The following LHFPL6 variants were observed in gnomAD, a reference collection of about 807,000 sequenced individuals.
LHFPL6 encodes the protein LHFPL tetraspan subfamily member 6, also known as LHFPL tetraspan subfamily member 6 protein.
In LHFPL6, 9 loss-of-function variants were observed where a neutral mutation model predicts 20.6. The ratio of observed to expected loss-of-function variants is 0.44; its 90% CI spans 0.26 to 0.76. The LOEUF (loss-of-function observed/expected upper bound fraction) is 0.76, where lower values mean the gene tolerates loss of function less well. Among genes scored for constraint, LHFPL6 ranks in the 30% least tolerant of loss-of-function variants. The probability of loss-of-function intolerance (pLI) is 0.20; values close to 1 mark genes in which losing one functional copy is unlikely to be tolerated. For synonymous variants in LHFPL6, 105 were observed against 98.7 expected (o/e 1.06, Z -0.38); for missense variants, 218 against 253.5 (o/e 0.86, Z 0.95).
At chr13:39,597,828 C>T (rs1872813620) in intron 2 of LHFPL6, among the ~76,000 whole-genome samples, 1 of 152,216 alleles carries the variant, frequency 6.6e-6, no homozygotes, top group Non-Finnish European at 1.5e-5. Flanking sequence ...CTCTAACCAA[C>T]CATAGCAAGA....
intron 3 of LHFPL6, among the ~76,000 whole-genome samples, chr13:39,361,476 C>A (rs1387364764): frequency 6.6e-6 from 1 of 152,046 alleles, no homozygotes; most frequent in Non-Finnish European, 1.5e-5. Flanking sequence ...TGCCATGACA[C>A]CCGGCTAATT....
At chr13:39,556,149 A>G (rs1161246680) in intron 2 of LHFPL6, among the ~76,000 whole-genome samples, 1 of 152,146 alleles carries the variant, frequency 6.6e-6, no homozygotes, top group Non-Finnish European at 1.5e-5. Flanking sequence ...TGAGTCAATA[A>G]AACGTCTTTA....
chr13:39,573,878 A>G (rs1034178607), intron 2 of LHFPL6, among the ~76,000 whole-genome samples: 6 of 152,204 alleles, frequency 3.9e-5, no homozygotes, highest in Admixed American at 3.9e-4. Context: ...TATTTTTGAA[A>G]TATTTTTCCT....
intron 2 of LHFPL6, among the ~76,000 whole-genome samples, chr13:39,407,509 C>A (rs1457898068): frequency 6.6e-6 from 1 of 152,162 alleles, no homozygotes; most frequent in East Asian, 1.9e-4. Context: ...GGCCAAACAT[C>A]TTAGAAATTG....
At chr13:39,554,913 C>T (rs1159075342) in intron 2 of LHFPL6, among the ~76,000 whole-genome samples, 2 of 152,156 alleles carry the variant, frequency 1.3e-5, no homozygotes, top group African/African-American at 4.8e-5. Flanking sequence ...ATCCCTCATA[C>T]AACAGTACAA....
intron 2 of LHFPL6, among the ~76,000 whole-genome samples, chr13:39,590,946 A>G (rs1872573857): frequency 1.3e-5 from 2 of 152,188 alleles, no homozygotes; most frequent in Non-Finnish European, 2.9e-5. Context: ...GGTGAAACTA[A>G]GGGAAGTAAG....
chr13:39,502,116 A>G (rs1331943936), intron 2 of LHFPL6, among the ~76,000 whole-genome samples: 1 of 152,162 alleles, frequency 6.6e-6, no homozygotes, highest in Non-Finnish European at 1.5e-5. Flanking sequence ...CATGGCTCCC[A>G]TTTACAGTGT....
At chr13:39,354,439 T>C (rs1424789665) in intron 3 of LHFPL6, among the ~76,000 whole-genome samples, 2 of 152,116 alleles carry the variant, frequency 1.3e-5, no homozygotes, top group African/African-American at 4.8e-5. Context: ...CCCTCTCAGA[T>C]GAAAAATAAT....
intron 2 of LHFPL6, among the ~76,000 whole-genome samples, chr13:39,586,180 T>C (rs1271808180): frequency 6.6e-6 from 1 of 152,076 alleles, no homozygotes; most frequent in African/African-American, 2.4e-5. Context: ...TGTATATATA[T>C]ATATATACAC....
chr13:39,465,591 G>A (rs531998836), intron 2 of LHFPL6, among the ~76,000 whole-genome samples: 1 of 152,240 alleles, frequency 6.6e-6, no homozygotes, highest in South Asian at 2.1e-4. Flanking sequence ...GTTCAGAGTT[G>A]AGCATGTCAT....
chr13:39,399,886 G>A (rs568403227), intron 2 of LHFPL6, among the ~76,000 whole-genome samples: 125 of 152,272 alleles, frequency 8.2e-4, no homozygotes, highest in African/African-American at 2.9e-3. Flanking sequence ...CTGAGGTTGG[G>A]AGTTCGAGGC....
chr13:39,586,756 T>C (rs980594935), intron 2 of LHFPL6, among the ~76,000 whole-genome samples: 2 of 152,222 alleles, frequency 1.3e-5, no homozygotes, highest in Non-Finnish European at 2.9e-5. Context: ...CTGCCTTTCC[T>C]GCTTTTGGTG....
chr13:39,407,039 G>A (rs73456972), intron 2 of LHFPL6, among the ~76,000 whole-genome samples: 2,883 of 152,288 alleles, frequency 0.019, 108 homozygotes, highest in African/African-American at 0.066. Flanking sequence ...CAGCACACAT[G>A]GCTAGATTAA....
At chr13:39,555,075 G>A (rs9548820) in intron 2 of LHFPL6, among the ~76,000 whole-genome samples, 52,533 of 152,048 alleles carry the variant, frequency 0.35, 10,133 homozygotes, top group Non-Finnish European at 0.43. Context: ...AAAAGATTAC[G>A]AACAAGGCCA....
chr13:39,536,219 C>T (rs1870614226), intron 2 of LHFPL6, among the ~76,000 whole-genome samples: 1 of 152,314 alleles, frequency 6.6e-6, no homozygotes, highest in African/African-American at 2.4e-5. Context: ...CTTTGACATT[C>T]AAACACTCTT....
rs532724214 is a variant in LHFPL6, at chr13:39,405,233, C to T, written c.386-26707G>A. On this transcript the variant is annotated intron_variant, in intron 2 of 3. Transcript: ENST00000379589. The stretch of plus-strand genomic sequence containing the variant: ...CACGTAGTACAGGCTATCTATCCAT[C>T]CCAACTCTGCCTTCTGTCTCAGCCT... Among the ~76,000 whole-genome samples the T allele has an allele frequency of 1.8e-4, 28 of 152,298 alleles. No homozygotes were observed. In the South Asian group the frequency reaches 4.1e-3, roughly 23 times the overall value.
At chr13:39,463,269 A>G (rs1000214539) in intron 2 of LHFPL6, among the ~76,000 whole-genome samples, 3 of 152,090 alleles carry the variant, frequency 2.0e-5, no homozygotes, top group African/African-American at 7.2e-5. Context: ...CCTACCATCA[A>G]CCCTACAACT....
intron 2 of LHFPL6, among the ~76,000 whole-genome samples, chr13:39,451,002 A>G (rs145768834): frequency 3.3e-5 from 5 of 152,302 alleles, no homozygotes; most frequent in Admixed American, 6.5e-5. Context: ...TTTACCACGA[A>G]GAGTTTTATT....
At chr13:39,561,281 C>T (rs921324542) in intron 2 of LHFPL6, among the ~76,000 whole-genome samples, 1 of 152,058 alleles carries the variant, frequency 6.6e-6, no homozygotes, top group Non-Finnish European at 1.5e-5. Context: ...TAAACCCTTT[C>T]TATCCAAGCC....
Sources: allele counts gnomAD v4.1 joint callset (sites outside exome capture counted in the v4.1 genomes callset), GRCh38; gene constraint gnomAD v4.1.1; transcripts MANE v1.5; gene names NCBI Gene and HGNC (gene_info 2026-07-23, HGNC 2026-07-21).